Variants in WASL observed in about 807,000 individuals in gnomAD.
WASL encodes the protein WASP like actin nucleation promoting factor, also known as actin nucleation-promoting factor WASL.
In WASL, 20 loss-of-function variants were observed where a neutral mutation model predicts 55.5. The ratio of observed to expected loss-of-function variants is 0.36; its 90% CI spans 0.25 to 0.52. The LOEUF (loss-of-function observed/expected upper bound fraction) is 0.52. Ranked by LOEUF, WASL falls within the 20% of genes least tolerant of loss-of-function variation. WASL has a pLI of 0.92. For synonymous variants in WASL, 249 were observed against 217.6 expected, an observed-to-expected ratio of 1.14 and a Z score of -1.27; for missense variants, 504 against 622.5, an observed-to-expected ratio of 0.81 and a Z score of 2.03.
rs548330351 is a variant in WASL, at chr7:123,698,103, T to C, written c.461-1356A>G. Among the ~76,000 whole-genome samples, 88 of 152,232 alleles carry C rather than the reference T, an allele frequency of 5.8e-4. 1 individual carries two copies. The Middle Eastern group carries it at 0.014, about 24-fold the overall frequency. Reference sequence around the variant, plus strand: ...TCATCCCATGTGTCTTTCCCTTTGCTGATTTTGTTTTATATGTGTTTTCAC... The same window carrying C: ...TCATCCCATGTGTCTTTCCCTTTGCCGATTTTGTTTTATATGTGTTTTCAC... On this transcript the variant is annotated intron_variant, in intron 5 of 10. Transcript: ENST00000223023.
At position 123,700,218 on chromosome 7, in the gene WASL, T is replaced by G. The variant is rs576472990; in HGVS notation, c.461-3471A>C. On this transcript the variant is annotated intron_variant, in intron 5 of 10. Transcript: ENST00000223023. ...AAAAAAAAAAAAAAACAACATTATT[T>G]AAGTAAGACTATAAAGAAAAATCCA... Among the ~76,000 whole-genome samples, 6 of 132,946 alleles carry G rather than the reference T, an allele frequency of 4.5e-5. No individual in the cohort carries two copies. In the East Asian group the frequency reaches 1.3e-3, roughly 29 times the overall value. 87.2% of individuals were successfully genotyped at this position (132,946 alleles called of 152,430 possible).
At chr7:123,720,080 C>T (rs1225433537) in intron 1 of WASL, among the ~76,000 whole-genome samples, 1 of 152,042 alleles carries the variant, frequency 6.6e-6, no homozygotes, top group Admixed American at 6.6e-5. Context: ...TATGGTTACC[C>T]CCAAACCTGT....
At position 123,716,695 on chromosome 7, in the gene WASL, G is replaced by T. The variant is rs924937007; in HGVS notation, c.118-7472C>A. Among the ~76,000 whole-genome samples the T allele has an allele frequency of 5.9e-5, 9 of 152,132 alleles. No individual in the cohort carries two copies. In the South Asian group the frequency reaches 1.9e-3, roughly 32 times the overall value. On this transcript the variant is annotated intron_variant, in intron 1 of 10. Coordinates refer to ENST00000223023, the MANE Select transcript of WASL (RefSeq NM_003941.4). Reference sequence around the variant, plus strand: ...AGGGAGGCAGGAAGGAAGGGGGAGAGAAAGAGAGATTTTTGTTTTTTAACT... The same window carrying T: ...AGGGAGGCAGGAAGGAAGGGGGAGATAAAGAGAGATTTTTGTTTTTTAACT...
intron 1 of WASL, among the ~76,000 whole-genome samples, chr7:123,732,788 C>T (rs1804161668): frequency 6.6e-6 from 1 of 152,008 alleles, no homozygotes; most frequent in Admixed American, 6.6e-5. Context: ...GAAAAAAAAT[C>T]AACAACATAT....
intron 1 of WASL, chr7:123,720,437 T>C: frequency 2.4e-6 from 1 of 422,544 alleles, no homozygotes; most frequent in Non-Finnish European, 4.6e-6. Flanking sequence ...AAAGTAAGGG[T>C]AGCATATACT....
intron 1 of WASL, among the ~76,000 whole-genome samples, chr7:123,743,877 T>A (rs148100107): frequency 1.3e-5 from 2 of 152,216 alleles, no homozygotes; most frequent in African/African-American, 4.8e-5. Flanking sequence ...AACCCAACCC[T>A]GTTGGACTTT....
At chr7:123,719,070 C>T (rs971858438) in intron 1 of WASL, among the ~76,000 whole-genome samples, 14 of 152,224 alleles carry the variant, frequency 9.2e-5, no homozygotes, top group Non-Finnish European at 5.9e-5. Context: ...CTACTTGTCA[C>T]ATCATCTCTT....
rs944897795 is a variant in WASL at position 123,692,254 on chromosome 7, A to T, written c.1347+93T>A. On this transcript the variant is annotated intron_variant, in intron 9 of 10. Coordinates refer to ENST00000223023, the MANE Select transcript of WASL (RefSeq NM_003941.4). ...AAGAATGAATTAGCAAGAGGAAAAA[A>T]GAATACACTTTTCAAAAATATCTTT... The T allele has an allele frequency of 5.5e-6, 8 of 1,461,138 alleles. No homozygotes were observed. The Admixed American group carries it at 2.0e-4, about 36-fold the overall frequency. The allele number at this position is 1,461,138 out of a possible 1,614,324, so 90.5% of individuals were successfully genotyped here. A position where few individuals can be genotyped will look rare whatever the true frequency, so the allele number is the denominator to read the frequency against.
At chr7:123,723,148 T>A (rs995679450) in intron 1 of WASL, among the ~76,000 whole-genome samples, 1 of 152,210 alleles carries the variant, frequency 6.6e-6, no homozygotes, top group African/African-American at 2.4e-5. Context: ...AACACTGGCA[T>A]TGTATGCATT....
intron 10 of WASL, 36 bp downstream of exon 10, chr7:123,689,006 G>GTC (rs3035629): frequency 0.011 from 14,233 of 1,275,708 alleles, 36 homozygotes; most frequent in African/African-American, 0.023. Flanking sequence ...CACTCTCTCT[G>GTC]TCTCTCTCTC....
At position 123,748,820 on chromosome 7, in the gene WASL, G is replaced by A. The variant is rs1030438659; in HGVS notation, c.-86C>T. 14 of 1,184,350 alleles carry A rather than the reference G, an allele frequency of 1.2e-5. No individual in the cohort carries two copies. The highest frequency in any genetic ancestry group is 1.6e-5 in the Non-Finnish European group (14 of 862,770). 73.4% of individuals were successfully genotyped at this position (1,184,350 alleles called of 1,614,324 possible). A position where few individuals can be genotyped will look rare whatever the true frequency, so the allele number is the denominator to read the frequency against. On this transcript the variant is annotated 5_prime_UTR_variant, in exon 1 of 11. Coordinates refer to ENST00000223023, the MANE Select transcript of WASL (RefSeq NM_003941.4). Reference sequence around the variant, plus strand: ...GTTCCCCCTCTCGGTGACAGGGGCGGGGAGAAGTGGAGTCAGAGGCGCCAC... The same window carrying A: ...GTTCCCCCTCTCGGTGACAGGGGCGAGGAGAAGTGGAGTCAGAGGCGCCAC...
intron 9 of WASL, 50 bp downstream of exon 9, chr7:123,692,297 A>G: frequency 6.4e-7 from 1 of 1,558,370 alleles, no homozygotes; most frequent in Non-Finnish European, 8.6e-7. Flanking sequence ...TTACTTTAAA[A>G]TTCCATTATG....
intron 1 of WASL, among the ~76,000 whole-genome samples, chr7:123,741,603 T>G (rs1346217814): frequency 1.3e-5 from 2 of 152,202 alleles, no homozygotes; most frequent in East Asian, 3.8e-4. Context: ...TTTTAAAATC[T>G]GTTTTTCTAC....
chr7:123,748,265 G>A (rs1387041703), intron 1 of WASL, among the ~76,000 whole-genome samples: 1 of 152,076 alleles, frequency 6.6e-6, no homozygotes, highest in African/African-American at 2.4e-5. Context: ...CTAGAACAAG[G>A]GCCCAGATTC....
intron 5 of WASL, among the ~76,000 whole-genome samples, chr7:123,701,462 C>T (rs1427177291): frequency 1.3e-5 from 2 of 152,122 alleles, no homozygotes; most frequent in Non-Finnish European, 2.9e-5. Context: ...GTCAAGCAGT[C>T]ACGAAGCTGA....
At chr7:123,742,505 A>AT (rs1392049595) in intron 1 of WASL, among the ~76,000 whole-genome samples, 2 of 152,148 alleles carry the variant, frequency 1.3e-5, no homozygotes, top group African/African-American at 4.8e-5. Context: ...CTAAAAACCG[A>AT]TTTTTTTAAT....
chr7:123,690,239 A>G (rs1457083509), intron 9 of WASL, among the ~76,000 whole-genome samples: 2 of 152,232 alleles, frequency 1.3e-5, no homozygotes, highest in Non-Finnish European at 2.9e-5. Flanking sequence ...ACTCTCATCA[A>G]ACACATTTTT....
chr7:123,706,847 A>T (rs776909661), intron 2 of WASL, 21 bp from the exon 3 acceptor site: 21 of 1,455,906 alleles, frequency 1.4e-5, no homozygotes, highest in African/African-American at 2.9e-5. Flanking sequence ...GTTAAAAATT[A>T]AAATAAGAAC....
intron 1 of WASL, among the ~76,000 whole-genome samples, chr7:123,730,048 A>G (rs1804113023): frequency 2.0e-5 from 3 of 152,204 alleles, no homozygotes; most frequent in Admixed American, 6.5e-5. Flanking sequence ...GAGTATAGTG[A>G]AAGAGTTGAG....
Sources: gnomAD v4.1 joint callset for allele counts (sites outside exome capture counted in the v4.1 genomes callset) on GRCh38, gnomAD v4.1.1 for gene constraint, MANE v1.5 for transcripts, NCBI Gene and HGNC (gene_info 2026-07-23, HGNC 2026-07-21) for gene names.